KAZN: variants seen among roughly 807,000 people sequenced by gnomAD.
The protein encoded by KAZN is kazrin.
KAZN carries 40 observed loss-of-function variants against 87.4 expected under a neutral mutation model. The observed-to-expected ratio is 0.46, with a 90% CI of 0.36 to 0.60. The LOEUF is 0.60. Ranked by LOEUF, KAZN falls within the 20% of genes least tolerant of loss-of-function variation. The pLI, the probability that KAZN is intolerant of heterozygous loss-of-function variation, is 0.00. For synonymous variants in KAZN, 466 were observed against 458.3 expected (o/e 1.02, Z -0.22); for missense variants, 898 against 1,073.9 (o/e 0.84, Z 2.29).
At chr1:14,257,124 T>G (rs1650579715) in intron 2 of KAZN, among the ~76,000 whole-genome samples, 2 of 152,186 alleles carry the variant, frequency 1.3e-5, no homozygotes, top group Admixed American at 1.3e-4. Context: ...CAGCCCTGGA[T>G]GTAGTGTATG....
In KAZN at chr1:14,569,320, C is replaced by CTTTTTTTTTTTTTTTT. The variant is rs35144232; in HGVS notation, c.250-29658_250-29643dup. ...TCCTCTACCTCCTCTACTTCCTCTG[C>CTTTTTTTTTTTTTTTT]TTTTTTTTTTTTTTTTTTTTGAGAC... On this transcript the variant is annotated intron_variant, in intron 2 of 16. Coordinates refer to the KAZN transcript ENST00000636203. Among the ~76,000 whole-genome samples, 18 of 92,314 alleles carry CTTTTTTTTTTTTTTTT rather than the reference C, an allele frequency of 1.9e-4. 3 individuals are homozygous for CTTTTTTTTTTTTTTTT. In the East Asian group the frequency reaches 2.5e-3, roughly 13 times the overall value. The allele number at this position is 92,314 out of a possible 152,430, so 60.6% of individuals were successfully genotyped here. A position where few individuals can be genotyped will look rare whatever the true frequency, so the allele number is the denominator to read the frequency against.
chr1:14,965,361 C>G (rs12045612), intron 2 of KAZN, among the ~76,000 whole-genome samples: 80,237 of 151,968 alleles, frequency 0.53, 22,900 homozygotes, highest in African/African-American at 0.75. Context: ...ATGAGCCCTG[C>G]CCAGCACATG....
intron 2 of KAZN, among the ~76,000 whole-genome samples, chr1:14,197,845 T>TA (rs1163966095): frequency 6.6e-6 from 1 of 152,128 alleles, no homozygotes; most frequent in Non-Finnish European, 1.5e-5. Context: ...ATGAGCGTTC[T>TA]AAAAAACAAG....
chr1:14,414,503 A>G (rs1279472157), intron 2 of KAZN, among the ~76,000 whole-genome samples: 2 of 152,208 alleles, frequency 1.3e-5, no homozygotes, highest in Non-Finnish European at 2.9e-5. Flanking sequence ...ACATGGATGA[A>G]ACTGTAGAAA....
chr1:14,126,804 C>A (rs1644880811), intron 1 of KAZN, among the ~76,000 whole-genome samples: 2 of 152,110 alleles, frequency 1.3e-5, no homozygotes, highest in African/African-American at 4.8e-5. Context: ...CTACCTAAAT[C>A]TTAAAAGTCT....
chr1:14,149,104 C>T (rs377535207), intron 1 of KAZN, among the ~76,000 whole-genome samples: 8 of 69,580 alleles, frequency 1.1e-4, no homozygotes, highest in South Asian at 6.5e-4. Context: ...TCTTTCTTTC[C>T]TTTTTTTTTT....
Position 14,243,816 on chromosome 1 carries a change from G to T in KAZN, c.249+63224G>T, listed in dbSNP as rs369075119. On this transcript the variant is annotated intron_variant, in intron 2 of 16. Coordinates refer to the KAZN transcript ENST00000636203. ...GGAGTGTCTAATCTCACTCTGCAGA[G>T]AATGGGGAAAACATGTAATTATGCG... Among the ~76,000 whole-genome samples, 4 of 152,200 alleles carry T rather than the reference G, an allele frequency of 2.6e-5. No homozygotes were observed. In the East Asian group the frequency reaches 5.8e-4, roughly 22 times the overall value.
At chr1:14,250,036 G>C (rs1212186840) in intron 2 of KAZN, among the ~76,000 whole-genome samples, 2 of 152,054 alleles carry the variant, frequency 1.3e-5, no homozygotes, top group East Asian at 3.9e-4. Context: ...GTTCATGAAA[G>C]ATATTTTCTA....
intron 8 of KAZN, among the ~76,000 whole-genome samples, chr1:15,073,255 A>G (rs189900013): frequency 2.9e-4 from 44 of 152,308 alleles, no homozygotes; most frequent in African/African-American, 1.0e-3. Context: ...GGTTTTAAAG[A>G]TATCCATTCC....
chr1:15,012,623 G>GA (rs752102209), intron 2 of KAZN, among the ~76,000 whole-genome samples: 5 of 152,144 alleles, frequency 3.3e-5, no homozygotes, highest in Non-Finnish European at 5.9e-5. Flanking sequence ...CCTCTGCACA[G>GA]AAAATAATGG....
chr1:14,379,667 G>C (rs1252562886), intron 2 of KAZN, among the ~76,000 whole-genome samples: 4 of 152,290 alleles, frequency 2.6e-5, no homozygotes, highest in Non-Finnish European at 5.9e-5. Flanking sequence ...CCTGTGGAAA[G>C]GGGAGGAAAG....
rs1480745409 is a variant in KAZN, at chr1:14,550,739, C to CTCTCTCTCTCTCTCTCT, written c.250-48244_250-48243insTCTCTCTCTCTCTCTCT. 1.1e-4 allele frequency among the ~76,000 whole-genome samples: 8 copies of CTCTCTCTCTCTCTCTCT among 70,010 alleles called. 1 individual carries two copies. The highest frequency in any genetic ancestry group is 4.9e-4 in the East Asian group (1 of 2,060). The allele number at this position is 70,010 out of a possible 152,430, so 45.9% of individuals were successfully genotyped here. ...TCTCTCTCTCTCTCTCTCTCTCTCT[C>CTCTCTCTCTCTCTCTCT]CCCCACCCCGCCACCCCCTCTCCCC... On this transcript the variant is annotated intron_variant, in intron 2 of 16. Transcript: ENST00000636203.
intron 2 of KAZN, among the ~76,000 whole-genome samples, chr1:14,470,808 C>T (rs1260807900): frequency 2.6e-5 from 4 of 152,180 alleles, no homozygotes; most frequent in African/African-American, 4.8e-5. Context: ...CCCCTGCTCC[C>T]ATGACTCTCG....
Position 14,331,818 on chromosome 1 carries a change from T to C in KAZN, c.249+151226T>C, listed in dbSNP as rs151251033. On this transcript the variant is annotated intron_variant, in intron 2 of 16. Transcript: ENST00000636203. ...AATTTCCATCATTTCCTTGCTTTTC[T>C]TCTTCTATATATTTTATTGCATTTG... Among the ~76,000 whole-genome samples, 1,130 of 152,316 alleles carry C rather than the reference T, an allele frequency of 7.4e-3. 16 individuals are homozygous for C. The highest frequency in any genetic ancestry group is 0.026 in the African/African-American group (1,078 of 41,554).
intron 1 of KAZN, among the ~76,000 whole-genome samples, chr1:14,046,670 G>A (rs1345832714): frequency 6.6e-6 from 1 of 152,132 alleles, no homozygotes; most frequent in African/African-American, 2.4e-5. Context: ...GGTTTATTGA[G>A]CAGGATGGAG....
At chr1:14,307,330 T>G (rs1655000476) in intron 2 of KAZN, among the ~76,000 whole-genome samples, 1 of 152,226 alleles carries the variant, frequency 6.6e-6, no homozygotes, top group Non-Finnish European at 1.5e-5. Flanking sequence ...AGAACTGGCA[T>G]GAACTTATTG....
At chr1:14,158,404 T>G (rs967240013) in intron 1 of KAZN, among the ~76,000 whole-genome samples, 5 of 152,146 alleles carry the variant, frequency 3.3e-5, no homozygotes, top group African/African-American at 1.2e-4. Flanking sequence ...CTCTGATACA[T>G]TTTTCAGTAT....
intron 2 of KAZN, among the ~76,000 whole-genome samples, chr1:14,400,281 A>G (rs1380146452): frequency 1.3e-5 from 2 of 152,240 alleles, no homozygotes; most frequent in Non-Finnish European, 2.9e-5. Flanking sequence ...CAACCTGGCC[A>G]GGAGAAGTGC....
chr1:14,938,117 G>A (rs1007311660), intron 1 of KAZN, among the ~76,000 whole-genome samples: 33 of 152,128 alleles, frequency 2.2e-4, no homozygotes, highest in African/African-American at 7.0e-4. Flanking sequence ...CACTGCCTGG[G>A]TGCAAATTGT....
Sources: gnomAD v4.1 joint callset for allele counts (sites outside exome capture counted in the v4.1 genomes callset) on GRCh38, gnomAD v4.1.1 for gene constraint, MANE v1.5 for transcripts, NCBI Gene and HGNC (gene_info 2026-07-23, HGNC 2026-07-21) for gene names.